Variants in NRXN1 observed in about 807,000 individuals in gnomAD.
NRXN1 encodes the protein neurexin-1.
Under a neutral mutation model 150.9 loss-of-function variants are expected in NRXN1, and 39 were observed. The observed-to-expected ratio is 0.26, with a 90% CI of 0.20 to 0.34. The LOEUF (loss-of-function observed/expected upper bound fraction) is 0.34, where lower values mean the gene tolerates loss of function less well. Ranked by LOEUF, NRXN1 falls within the 10% of genes least tolerant of loss-of-function variation. The probability of loss-of-function intolerance (pLI) is 1.00; values close to 1 mark genes in which losing one functional copy is unlikely to be tolerated. For synonymous variants in NRXN1, 924 were observed against 757.0 expected (o/e 1.22, Z -3.62); for missense variants, 1,815 against 1,949.9 (o/e 0.93, Z 1.30).
At chr2:50,715,888 T>G (rs1333118466) in intron 5 of NRXN1, among the ~76,000 whole-genome samples, 1 of 152,202 alleles carries the variant, frequency 6.6e-6, no homozygotes, top group African/African-American at 2.4e-5. Flanking sequence ...TTCTTTTTGC[T>G]GCCACTCATT....
chr2:50,019,600 C>T (rs1297961942), intron 21 of NRXN1, among the ~76,000 whole-genome samples: 1 of 119,382 alleles, frequency 8.4e-6, no homozygotes, highest in Non-Finnish European at 1.7e-5. Context: ...CGAGATGCTG[C>T]CATTGCACTC....
intron 5 of NRXN1, among the ~76,000 whole-genome samples, chr2:50,685,958 A>C (rs1221024049): frequency 6.6e-6 from 1 of 152,080 alleles, no homozygotes; most frequent in African/African-American, 2.4e-5. Context: ...TTGCTTCTAA[A>C]GGTAATCTTG....
intron 18 of NRXN1, among the ~76,000 whole-genome samples, chr2:50,132,597 G>C (rs1373479273): frequency 1.3e-5 from 2 of 152,034 alleles, no homozygotes; most frequent in Admixed American, 6.6e-5. Flanking sequence ...GAGCCACCGC[G>C]ACCGGCCCAG....
chr2:50,648,956 T>A (rs1253114740), intron 5 of NRXN1, among the ~76,000 whole-genome samples: 2 of 151,994 alleles, frequency 1.3e-5, no homozygotes, highest in East Asian at 1.9e-4. Flanking sequence ...TGTAAATCCT[T>A]AAAATTCATG....
chr2:50,902,961 C>T (rs1036997283), intron 5 of NRXN1, among the ~76,000 whole-genome samples: 3 of 152,060 alleles, frequency 2.0e-5, no homozygotes, highest in Non-Finnish European at 2.9e-5. Context: ...AGAGGAAGTA[C>T]ATTTAGAAAA....
chr2:50,094,176 A>G (rs1171508079), intron 18 of NRXN1, among the ~76,000 whole-genome samples: 1 of 152,220 alleles, frequency 6.6e-6, no homozygotes, highest in Non-Finnish European at 1.5e-5. Flanking sequence ...TGAGATGTTA[A>G]CATGATAACA....
At chr2:50,893,323 C>A (rs1004839788) in intron 5 of NRXN1, among the ~76,000 whole-genome samples, 2 of 152,094 alleles carry the variant, frequency 1.3e-5, no homozygotes, top group African/African-American at 4.8e-5. Flanking sequence ...CACAAAAGGA[C>A]AGACAATTAT....
At position 50,554,069 on chromosome 2, in the gene NRXN1, G is replaced by T. The variant is rs1384131203; in HGVS notation, c.1321-1044C>A. ...TATCTAGGTCCACATAGCTGTCTAG[G>T]CTCTTTCAAGAAGGGACTCTATAGA... On this transcript the variant is annotated intron_variant, in intron 8 of 22. Coordinates refer to ENST00000401669, the MANE Select transcript of NRXN1 (RefSeq NM_001330078.2). Among the ~76,000 whole-genome samples the T allele has an allele frequency of 3.3e-5, 5 of 151,964 alleles. No individual in the cohort carries two copies. In the East Asian group the frequency reaches 9.6e-4, roughly 29 times the overall value.
chr2:50,757,484 C>A (rs1445250321), intron 5 of NRXN1, among the ~76,000 whole-genome samples: 1 of 151,756 alleles, frequency 6.6e-6, no homozygotes, highest in Non-Finnish European at 1.5e-5. Flanking sequence ...TTCTAATACT[C>A]ATATGAAAAT....
chr2:50,876,102 G>C (rs1678552043), intron 5 of NRXN1, among the ~76,000 whole-genome samples: 1 of 151,772 alleles, frequency 6.6e-6, no homozygotes, highest in Non-Finnish European at 1.5e-5. Flanking sequence ...GCCCCTCCTG[G>C]ATTGTAACTA....
intron 21 of NRXN1, among the ~76,000 whole-genome samples, chr2:50,012,914 A>G (rs1259898498): frequency 6.6e-6 from 1 of 152,072 alleles, no homozygotes; most frequent in Non-Finnish European, 1.5e-5. Flanking sequence ...GGGACCTTCA[A>G]TGCTTGTGGC....
chr2:50,795,075 A>C (rs2105637284), intron 5 of NRXN1, among the ~76,000 whole-genome samples: 1 of 152,234 alleles, frequency 6.6e-6, no homozygotes, highest in East Asian at 1.9e-4. Flanking sequence ...TGTTAACTAC[A>C]TGCTTAGTAG....
At chr2:50,683,556 C>T (rs1210252762) in intron 5 of NRXN1, among the ~76,000 whole-genome samples, 5 of 141,902 alleles carry the variant, frequency 3.5e-5, no homozygotes, top group Non-Finnish European at 7.6e-5. Context: ...GGTGTGAACC[C>T]GGGAGGCAGA....
intron 8 of NRXN1, among the ~76,000 whole-genome samples, chr2:50,583,073 C>A (rs1417725542): frequency 6.6e-6 from 1 of 150,850 alleles, no homozygotes; most frequent in Admixed American, 6.6e-5. Context: ...CTTTTAGAGA[C>A]AAGTTCTGCC....
At chr2:50,440,783 G>C (rs1165209017) in intron 17 of NRXN1, among the ~76,000 whole-genome samples, 6 of 151,960 alleles carry the variant, frequency 3.9e-5, no homozygotes, top group Non-Finnish European at 5.9e-5. Context: ...TTATGAAAAG[G>C]TGCACATAAC....
chr2:50,505,766 T>G lies in NRXN1; in HGVS notation c.2497+729A>C, dbSNP rs145834592. ...ATTGAATGAACAGACACGTATCCAC[T>G]GTACAAGGACCATTTTGTGCTTTTT... On this transcript the variant is annotated intron_variant, in intron 13 of 22. Coordinates refer to ENST00000401669, the MANE Select transcript of NRXN1 (RefSeq NM_001330078.2). 1.8e-3 allele frequency among the ~76,000 whole-genome samples: 277 copies of G among 152,310 alleles called. 1 individual carries two copies. The highest frequency in any genetic ancestry group is 6.4e-3 in the African/African-American group (265 of 41,574).
chr2:50,093,528 A>G (rs1466508611), intron 18 of NRXN1, among the ~76,000 whole-genome samples: 2 of 151,698 alleles, frequency 1.3e-5, no homozygotes, highest in East Asian at 3.9e-4. Context: ...CCAACTACTC[A>G]GGAGGCTGAG....
chr2:50,693,776 T>C (rs569685874), intron 5 of NRXN1, among the ~76,000 whole-genome samples: 1 of 152,154 alleles, frequency 6.6e-6, no homozygotes, highest in African/African-American at 2.4e-5. Context: ...CTTCATAGCA[T>C]TTAATTAATT....
intron 5 of NRXN1, among the ~76,000 whole-genome samples, chr2:50,658,439 T>TGTGTGTGTGTGTGTG (rs1553935244): frequency 5.3e-5 from 8 of 151,608 alleles, no homozygotes; most frequent in Non-Finnish European, 8.8e-5. Context: ...TGTGTGTGTG[T>TGTGTGTGTGTGTGTG]TTGAGGCAGG....
Sources: gnomAD v4.1 joint callset for allele counts (sites outside exome capture counted in the v4.1 genomes callset) on GRCh38, gnomAD v4.1.1 for gene constraint, MANE v1.5 for transcripts, NCBI Gene and HGNC (gene_info 2026-07-23, HGNC 2026-07-21) for gene names.